Variants in NBAS observed in about 807,000 individuals in gnomAD.
The protein encoded by NBAS is NAG/BC035112 fusion.
A neutral mutation model predicts 302.5 loss-of-function variants in NBAS; 219 were observed. The observed-to-expected ratio is 0.72, with a 90% CI of 0.65 to 0.81. The LOEUF is 0.81. Among genes scored for constraint, NBAS ranks in the 30% least tolerant of loss-of-function variants. The pLI is 0.00. For missense variants in NBAS, 2,932 were observed against 2,841.6 expected, an observed-to-expected ratio of 1.03 and a Z score of -0.72; for synonymous variants, 1,118 against 1,021.6, an observed-to-expected ratio of 1.09 and a Z score of -1.80.
At chr2:14,799,477 T>C in the NBAS span, among the ~76,000 whole-genome samples, 1 of 152,126 alleles carries the variant, frequency 6.6e-6, no homozygotes, top group African/African-American at 2.4e-5. Context: ...TGGCCTACTA[T>C]ATGGTCGATC....
At chr2:15,452,403 G>A (rs570002527) in intron 21 of NBAS, among the ~76,000 whole-genome samples, 51 of 149,790 alleles carry the variant, frequency 3.4e-4, no homozygotes, top group Middle Eastern at 3.4e-3. Flanking sequence ...AGACCATCCT[G>A]GCTAACACGG....
chr2:14,808,757 A>T, the NBAS span, among the ~76,000 whole-genome samples: 2 of 152,208 alleles, frequency 1.3e-5, no homozygotes, highest in African/African-American at 4.8e-5. Context: ...ACAAGTAGAG[A>T]TTGGAACAGT....
intron 28 of NBAS, among the ~76,000 whole-genome samples, chr2:15,384,529 C>T (rs1196889143): frequency 1.3e-5 from 2 of 150,426 alleles, no homozygotes; most frequent in South Asian, 2.1e-4. Flanking sequence ...AAAAGACCCC[C>T]CCCCCATTTT....
At chr2:15,299,134 C>T (rs536534132) in intron 40 of NBAS, among the ~76,000 whole-genome samples, 49 of 152,158 alleles carry the variant, frequency 3.2e-4, no homozygotes, top group Non-Finnish European at 6.8e-4. Flanking sequence ...GCTCTCTGGG[C>T]AGCTTCAAAA....
At chr2:15,095,082 T>C in the NBAS span, among the ~76,000 whole-genome samples, 1 of 152,174 alleles carries the variant, frequency 6.6e-6, no homozygotes, top group Non-Finnish European at 1.5e-5. Context: ...GGAGACAGCC[T>C]GGTGTGTGTC....
the NBAS span, chr2:14,890,689 G>C: frequency 6.6e-6 from 1 of 152,216 alleles, no homozygotes; most frequent in African/African-American, 2.4e-5. Flanking sequence ...ATGGTGGCGA[G>C]TGCCTGTAAT....
At chr2:15,556,151 A>G (rs1664634625) in intron 3 of NBAS, among the ~76,000 whole-genome samples, 1 of 152,228 alleles carries the variant, frequency 6.6e-6, no homozygotes, top group Admixed American at 6.5e-5. Flanking sequence ...CAAGTCCTAG[A>G]GAACGCCAAA....
chr2:15,311,742 G>GAAGAAGTTAGATGTTT (rs1671285490), intron 38 of NBAS, among the ~76,000 whole-genome samples: 1 of 152,184 alleles, frequency 6.6e-6, no homozygotes, highest in East Asian at 1.9e-4. Context: ...CCTCTCTACG[G>GAAGAAGTTAGATGTTT]AAGAAGTTAG....
rs185255810 is a variant in NBAS, at chr2:15,361,778, A to T, written c.3817+4802T>A. ...CGGATCACCTGAGGTCAGGAGTTCA[A>T]GACCAGCCTGACCAACATGGAGAAA... On this transcript the variant is annotated intron_variant, in intron 32 of 51. Transcript: ENST00000281513. Among the ~76,000 whole-genome samples, 1,194 of 152,084 alleles carry T rather than the reference A, an allele frequency of 7.9e-3. 13 individuals carry two copies. Among genetic ancestry groups the T allele is most frequent in the African/African-American group, 0.027 (1,130 of 41,496 alleles).
At chr2:14,958,163 C>T in the NBAS span, among the ~76,000 whole-genome samples, 1 of 152,166 alleles carries the variant, frequency 6.6e-6, no homozygotes, top group East Asian at 1.9e-4. Context: ...CCCCAGAGTC[C>T]CATTTAATTG....
chr2:14,881,576 A>G, the NBAS span, among the ~76,000 whole-genome samples: 1 of 152,222 alleles, frequency 6.6e-6, no homozygotes, highest in Non-Finnish European at 1.5e-5. Context: ...TCTTTCAAGA[A>G]CCATCTAAAG....
At chr2:15,506,605 C>G (rs1328503787) in intron 10 of NBAS, among the ~76,000 whole-genome samples, 1 of 152,122 alleles carries the variant, frequency 6.6e-6, no homozygotes, top group Non-Finnish European at 1.5e-5. Flanking sequence ...ACTTAAGAAA[C>G]TCATCACCTA....
rs766531212 is a variant in NBAS, at chr2:15,277,115, C to A, written c.5139-14G>T. The A allele has an allele frequency of 6.2e-7, 1 of 1,612,634 alleles. No individual in the cohort carries two copies. The highest frequency in any genetic ancestry group is 1.3e-5 in the African/African-American group (1 of 74,700). Reference sequence around the variant, plus strand: ...AGTGTGGACAAACTGAAATTAAGAGCCAAAGGAACTGTGTTAAGATTTTGT... The same window carrying A: ...AGTGTGGACAAACTGAAATTAAGAGACAAAGGAACTGTGTTAAGATTTTGT... On this transcript the variant is annotated splice_polypyrimidine_tract_variant and intron_variant, in intron 42 of 51. Transcript: ENST00000281513.
chr2:15,210,708 T>A (rs1666366203), intron 48 of NBAS, among the ~76,000 whole-genome samples: 1 of 152,090 alleles, frequency 6.6e-6, no homozygotes, highest in South Asian at 2.1e-4. Flanking sequence ...ACAGCCACAA[T>A]TTGGAAGCTA....
intron 35 of NBAS, among the ~76,000 whole-genome samples, chr2:15,343,421 A>C (rs890063631): frequency 1.3e-5 from 2 of 152,128 alleles, no homozygotes; most frequent in African/African-American, 2.4e-5. Context: ...AAAATTCCAG[A>C]GCACATGGGG....
chr2:15,284,162 A>G (rs1464722694), intron 42 of NBAS, among the ~76,000 whole-genome samples: 1 of 147,544 alleles, frequency 6.8e-6, no homozygotes, highest in African/African-American at 2.5e-5. Flanking sequence ...GGGAAATGGA[A>G]AAAAAAAAAA....
chr2:15,232,377 G>T (rs1667416725), intron 47 of NBAS, 45 bp downstream of exon 47: 3 of 1,563,332 alleles, frequency 1.9e-6, no homozygotes, highest in South Asian at 1.1e-5. Context: ...CTAATACTCT[G>T]AGGAAAGCCA....
chr2:15,388,875 C>G (rs1270752388), intron 28 of NBAS, among the ~76,000 whole-genome samples: 1 of 151,898 alleles, frequency 6.6e-6, no homozygotes, highest in Non-Finnish European at 1.5e-5. Context: ...GAGAAAGAAG[C>G]TACATACAAA....
At chr2:15,412,113 A>AT (rs2148451948) in intron 25 of NBAS, among the ~76,000 whole-genome samples, 1 of 152,296 alleles carries the variant, frequency 6.6e-6, no homozygotes, top group East Asian at 1.9e-4. Context: ...TAGCACTAGT[A>AT]TAAGTCTAAA....
Sources: allele counts gnomAD v4.1 joint callset (sites outside exome capture counted in the v4.1 genomes callset), GRCh38; gene constraint gnomAD v4.1.1; transcripts MANE v1.5; gene names NCBI Gene and HGNC (gene_info 2026-07-23, HGNC 2026-07-21).